Variants in FAF1 observed in about 807,000 individuals in gnomAD.
The protein encoded by FAF1 is Fas associated factor 1.
In FAF1, 25 loss-of-function variants were observed where a neutral mutation model predicts 92.5. The observed-to-expected ratio is 0.27, with a 90% CI of 0.20 to 0.38. FAF1 has a LOEUF of 0.38. FAF1 is among the 10% of genes least tolerant of loss of function. The probability of loss-of-function intolerance (pLI) is 1.00; values close to 1 mark genes in which losing one functional copy is unlikely to be tolerated. For missense variants in FAF1, 636 were observed against 793.3 expected, an observed-to-expected ratio of 0.80 and a Z score of 2.38; for synonymous variants, 234 against 273.2, an observed-to-expected ratio of 0.86 and a Z score of 1.42.
intron 4 of FAF1, among the ~76,000 whole-genome samples, chr1:50,768,865 C>T (rs1435028300): frequency 1.3e-5 from 2 of 151,900 alleles, no homozygotes; most frequent in Non-Finnish European, 2.9e-5. Context: ...TAACATCACA[C>T]ATCACACCTA....
At chr1:50,719,039 G>GT (rs1471806557) in intron 6 of FAF1, among the ~76,000 whole-genome samples, 3 of 152,150 alleles carry the variant, frequency 2.0e-5, no homozygotes, top group African/African-American at 7.2e-5. Flanking sequence ...GACAGATTAG[G>GT]TTCAAATAGC....
At chr1:50,593,738 T>A (rs1039007323) in intron 9 of FAF1, among the ~76,000 whole-genome samples, 4 of 152,164 alleles carry the variant, frequency 2.6e-5, no homozygotes, top group Admixed American at 6.5e-5. Context: ...CTAAAAAATG[T>A]TAAAAACCAG....
intron 7 of FAF1, among the ~76,000 whole-genome samples, chr1:50,696,138 T>C (rs1014242054): frequency 3.9e-5 from 6 of 152,278 alleles, no homozygotes; most frequent in African/African-American, 9.6e-5. Context: ...TAGAATCTTA[T>C]TTTGAACATT....
chr1:50,479,987 A>G (rs77585984), intron 17 of FAF1, among the ~76,000 whole-genome samples: 1,910 of 152,340 alleles, frequency 0.013, 34 homozygotes, highest in African/African-American at 0.043. Flanking sequence ...CTGTTGTAAA[A>G]CAACAACATA....
chr1:50,790,877 G>A (rs1661539219), intron 3 of FAF1, among the ~76,000 whole-genome samples: 1 of 152,056 alleles, frequency 6.6e-6, no homozygotes, highest in Admixed American at 6.6e-5. Context: ...GACTTGGTGA[G>A]TTGTGATCAG....
chr1:50,700,759 A>T (rs6678881), intron 7 of FAF1, among the ~76,000 whole-genome samples: 2,098 of 152,192 alleles, frequency 0.014, 47 homozygotes, highest in African/African-American at 0.046. Context: ...TTAATTCTTA[A>T]AATGTCATTG....
chr1:50,933,021 T>C (rs1404277420), intron 1 of FAF1, among the ~76,000 whole-genome samples: 2 of 152,170 alleles, frequency 1.3e-5, no homozygotes, highest in Non-Finnish European at 2.9e-5. Flanking sequence ...ACCAAGTTCC[T>C]AGGCTGCACA....
chr1:50,516,220 G>A (rs1411168115), intron 15 of FAF1, among the ~76,000 whole-genome samples: 1 of 152,114 alleles, frequency 6.6e-6, no homozygotes, highest in African/African-American at 2.4e-5. Flanking sequence ...CATGAGTCAT[G>A]GACTCTTCCA....
intron 7 of FAF1, among the ~76,000 whole-genome samples, chr1:50,664,781 G>A (rs1655549515): frequency 6.7e-6 from 1 of 148,800 alleles, no homozygotes; most frequent in South Asian, 2.1e-4. Flanking sequence ...GCGACAGAGC[G>A]AGACTCCGTC....
At chr1:50,896,173 T>C (rs1570112767) in intron 1 of FAF1, among the ~76,000 whole-genome samples, 1 of 152,150 alleles carries the variant, frequency 6.6e-6, no homozygotes, top group Non-Finnish European at 1.5e-5. Context: ...CAGTCCCAGC[T>C]TGCTACTCGA....
intron 4 of FAF1, among the ~76,000 whole-genome samples, chr1:50,760,392 C>A (rs1258341265): frequency 6.6e-6 from 1 of 152,170 alleles, no homozygotes; most frequent in Non-Finnish European, 1.5e-5. Context: ...ACATTTTTTT[C>A]AGCACCACAA....
At chr1:50,844,657 T>C (rs1644283348) in intron 2 of FAF1, among the ~76,000 whole-genome samples, 1 of 151,654 alleles carries the variant, frequency 6.6e-6, no homozygotes, top group Admixed American at 6.6e-5. Context: ...GAAAAATGAA[T>C]ACAAAGAATC....
intron 1 of FAF1, among the ~76,000 whole-genome samples, chr1:50,947,380 T>C (rs1269206592): frequency 6.6e-6 from 1 of 152,204 alleles, no homozygotes; most frequent in Non-Finnish European, 1.5e-5. Context: ...TCCTTCTTCC[T>C]TTACCACAAC....
intron 12 of FAF1, among the ~76,000 whole-genome samples, chr1:50,569,404 T>C (rs544522178): frequency 8.5e-5 from 13 of 152,224 alleles, no homozygotes; most frequent in African/African-American, 3.1e-4. Context: ...CCACAGCCCC[T>C]TGGCAAAAAA....
intron 13 of FAF1, among the ~76,000 whole-genome samples, chr1:50,553,286 G>T (rs1557992309): frequency 6.6e-6 from 1 of 152,270 alleles, no homozygotes; most frequent in East Asian, 1.9e-4. Context: ...GTTTCTATTA[G>T]TGACCCCATC....
rs75551582 is a variant in FAF1, at chr1:50,600,025, C to CGGA, written c.745-3812_745-3810dup. Among the ~76,000 whole-genome samples, 105 of 152,212 alleles carry CGGA rather than the reference C, an allele frequency of 6.9e-4. 2 individuals carry two copies. In the East Asian group the frequency reaches 0.017, roughly 25 times the overall value. On this transcript the variant is annotated intron_variant, in intron 8 of 18. Coordinates refer to ENST00000396153, the MANE Select transcript of FAF1 (RefSeq NM_007051.3). ...TAAAAAGTTTCAGATTTTCAGATTA[C>CGGA]GGATACTCAACCTGTGATTGAGTAT...
intron 15 of FAF1, among the ~76,000 whole-genome samples, chr1:50,506,989 A>G (rs1216075498): frequency 6.6e-6 from 1 of 152,154 alleles, no homozygotes; most frequent in Non-Finnish European, 1.5e-5. Flanking sequence ...AAGAAATGAT[A>G]ATAGGGAGGA....
At chr1:50,688,578 C>T (rs1569768524) in intron 7 of FAF1, among the ~76,000 whole-genome samples, 1 of 152,262 alleles carries the variant, frequency 6.6e-6, no homozygotes, top group African/African-American at 2.4e-5. Context: ...TTTGGGAGGC[C>T]AAGGTGGGTG....
chr1:50,498,798 C>A lies in FAF1; in HGVS notation c.1495-6997G>T, dbSNP rs187675144. On this transcript the variant is annotated intron_variant, in intron 15 of 18. Coordinates refer to ENST00000396153, the MANE Select transcript of FAF1 (RefSeq NM_007051.3). The stretch of plus-strand genomic sequence containing the variant: ...TCGGGAGGCGGAGGTTGCAGTGAAC[C>A]GAGATCGTGCCACTGCACTCCAGCA... 1.3e-3 allele frequency among the ~76,000 whole-genome samples: 195 copies of A among 150,666 alleles called. 1 individual carries two copies. The highest frequency in any genetic ancestry group is 6.9e-3 in the Middle Eastern group (2 of 290).
Sources: gnomAD v4.1 joint callset for allele counts (sites outside exome capture counted in the v4.1 genomes callset) on GRCh38, gnomAD v4.1.1 for gene constraint, MANE v1.5 for transcripts, NCBI Gene and HGNC (gene_info 2026-07-23, HGNC 2026-07-21) for gene names.